Variants in KIF6 observed in about 807,000 individuals in gnomAD.
KIF6 encodes the protein kinesin-like protein KIF6.
KIF6 carries 106 observed loss-of-function variants against 112.7 expected under a neutral mutation model. The observed-to-expected ratio is 0.94, with a 90% confidence interval of 0.80 to 1.11. The LOEUF is 1.11. Among genes scored for constraint, KIF6 ranks in the 50% least tolerant of loss-of-function variants. KIF6 has a pLI of 0.00. For missense variants in KIF6, 929 were observed against 964.0 expected, an observed-to-expected ratio of 0.96 and a Z score of 0.48; for synonymous variants, 339 against 339.9, an observed-to-expected ratio of 1.00 and a Z score of 0.03.
chr6:39,552,314 C>T (rs984300982), intron 10 of KIF6, among the ~76,000 whole-genome samples: 3 of 152,156 alleles, frequency 2.0e-5, no homozygotes, highest in East Asian at 1.9e-4. Context: ...TCTTTATACC[C>T]GCCTTGTCCC....
intron 16 of KIF6, among the ~76,000 whole-genome samples, chr6:39,364,115 T>C: frequency 6.6e-6 from 1 of 151,100 alleles, no homozygotes; most frequent in Non-Finnish European, 1.5e-5. Flanking sequence ...TTTTTTGAGA[T>C]GGAGTCTCGC....
chr6:39,383,675 G>GT (rs961349004), intron 16 of KIF6, among the ~76,000 whole-genome samples: 187 of 151,586 alleles, frequency 1.2e-3, no homozygotes, highest in African/African-American at 4.0e-3. Context: ...TTTTAGAATA[G>GT]TTTTTTTTTC....
chr6:39,626,211 T>G (rs1392573869), intron 5 of KIF6, among the ~76,000 whole-genome samples: 1 of 152,110 alleles, frequency 6.6e-6, no homozygotes, highest in East Asian at 1.9e-4. Flanking sequence ...ACTGAAATGA[T>G]CAGTTTATGA....
At chr6:39,585,489 C>T (rs1321902582) in intron 8 of KIF6, among the ~76,000 whole-genome samples, 1 of 152,166 alleles carries the variant, frequency 6.6e-6, no homozygotes, top group Non-Finnish European at 1.5e-5. Flanking sequence ...TGCTCTAGAA[C>T]ATTATTTTTT....
intron 4 of KIF6, among the ~76,000 whole-genome samples, chr6:39,636,404 C>T (rs1048357864): frequency 2.6e-5 from 4 of 151,842 alleles, no homozygotes; most frequent in Admixed American, 6.6e-5. Flanking sequence ...TTTTTTTCAG[C>T]GTAATGCTGA....
intron 3 of KIF6, among the ~76,000 whole-genome samples, chr6:39,670,678 G>A (rs953184198): frequency 2.0e-5 from 3 of 152,102 alleles, no homozygotes; most frequent in Non-Finnish European, 2.9e-5. Context: ...TGTTGTTCAA[G>A]GGTCAACTGT....
At chr6:39,545,727 G>T in intron 10 of KIF6, 39 bp from the exon 11 acceptor site, 1 of 1,335,810 alleles carries the variant, frequency 7.5e-7, no homozygotes, top group Non-Finnish European at 1.1e-6. Context: ...CTGTGAGCTA[G>T]AAGCTTTAAA....
chr6:39,433,009 G>A (rs992510300), intron 13 of KIF6, among the ~76,000 whole-genome samples: 1 of 152,140 alleles, frequency 6.6e-6, no homozygotes, highest in Non-Finnish European at 1.5e-5. Flanking sequence ...GGGAGTGAAA[G>A]CTTGCTTAAG....
At chr6:39,541,859 G>A (rs1239923123) in intron 12 of KIF6, among the ~76,000 whole-genome samples, 1 of 152,212 alleles carries the variant, frequency 6.6e-6, no homozygotes, top group Admixed American at 6.5e-5. Context: ...TTTCCCTAAA[G>A]AGAAACAGGC....
At chr6:39,364,616 C>T (rs1765427099) in intron 16 of KIF6, among the ~76,000 whole-genome samples, 1 of 152,228 alleles carries the variant, frequency 6.6e-6, no homozygotes, top group African/African-American at 2.4e-5. Context: ...AGGTGAATTA[C>T]TAACAATGAC....
At chr6:39,484,618 A>C (rs1298400558) in intron 13 of KIF6, among the ~76,000 whole-genome samples, 1 of 152,208 alleles carries the variant, frequency 6.6e-6, no homozygotes, top group Non-Finnish European at 1.5e-5. Flanking sequence ...AGATAAGAAA[A>C]AGTCTATTGT....
At chr6:39,641,867 C>T (rs1271933803) in intron 3 of KIF6, among the ~76,000 whole-genome samples, 1 of 152,108 alleles carries the variant, frequency 6.6e-6, no homozygotes. Context: ...GCTCCCCCTA[C>T]CCCCATCTAC....
chr6:39,567,109 A>G (rs1280739707), intron 10 of KIF6, among the ~76,000 whole-genome samples: 1 of 152,244 alleles, frequency 6.6e-6, no homozygotes, highest in East Asian at 1.9e-4. Context: ...AAGCTTGAAA[A>G]GACTTCTATA....
At chr6:39,717,694 TTCCTAGCA>T (rs1789943111) in intron 2 of KIF6, among the ~76,000 whole-genome samples, 1 of 152,200 alleles carries the variant, frequency 6.6e-6, no homozygotes, top group Admixed American at 6.5e-5. Context: ...CCCTGCTGTA[TTCCTAGCA>T]ATTAAAACAG....
chr6:39,670,881 A>G (rs969223174), intron 3 of KIF6, among the ~76,000 whole-genome samples: 3 of 152,176 alleles, frequency 2.0e-5, no homozygotes, highest in African/African-American at 4.8e-5. Context: ...TGTAGATGTC[A>G]CCTATAATTC....
intron 12 of KIF6, among the ~76,000 whole-genome samples, chr6:39,542,112 G>A (rs921483711): frequency 6.6e-6 from 1 of 152,168 alleles, no homozygotes; most frequent in Non-Finnish European, 1.5e-5. Context: ...CCAGGCCCTC[G>A]TAAACCAGAG....
At chr6:39,476,038 G>A (rs1015672409) in intron 13 of KIF6, among the ~76,000 whole-genome samples, 2 of 151,840 alleles carry the variant, frequency 1.3e-5, no homozygotes, top group Non-Finnish European at 2.9e-5. Flanking sequence ...ACACATACTC[G>A]GGCCTGTGGT....
At chr6:39,624,185 C>T (rs888443024) in intron 5 of KIF6, among the ~76,000 whole-genome samples, 5 of 152,102 alleles carry the variant, frequency 3.3e-5, no homozygotes, top group African/African-American at 9.7e-5. Context: ...GTGCAGAAGC[C>T]TCTTCAGGTG....
Position 39,721,825 on chromosome 6 carries a change from TA to T in KIF6, c.67-1015del, listed in dbSNP as rs1195922481. 2.3e-4 allele frequency among the ~76,000 whole-genome samples: 32 copies of T among 137,468 alleles called. 1 individual carries two copies. The East Asian group carries it at 5.8e-3, about 25-fold the overall frequency. 90.2% of individuals were successfully genotyped at this position (137,468 alleles called of 152,430 possible). A position where few individuals can be genotyped will look rare whatever the true frequency, so the allele number is the denominator to read the frequency against. ...GATTTAAAGGTTTTTTTTTTTTTTTTAAAGGCTTCTTGTCTTTTACCATGAA... is the reference window on the plus strand; with the variant it reads ...GATTTAAAGGTTTTTTTTTTTTTTTTAAGGCTTCTTGTCTTTTACCATGAA... On this transcript the variant is annotated intron_variant, in intron 1 of 22. Transcript: ENST00000287152.
Sources: gnomAD v4.1 joint callset for allele counts (sites outside exome capture counted in the v4.1 genomes callset) on GRCh38, gnomAD v4.1.1 for gene constraint, MANE v1.5 for transcripts, NCBI Gene and HGNC (gene_info 2026-07-23, HGNC 2026-07-21) for gene names.